The following GPR176 variants were observed in gnomAD, a reference collection of about 807,000 sequenced individuals.
The protein encoded by GPR176 is G-protein coupled receptor 176.
Under a neutral mutation model 35.4 loss-of-function variants are expected in GPR176, and 26 were observed. The observed-to-expected ratio is 0.74, with a 90% CI of 0.54 to 1.02. The LOEUF (loss-of-function observed/expected upper bound fraction) is 1.02, where lower values mean the gene tolerates loss of function less well. Ranked by LOEUF, GPR176 falls within the 50% of genes least tolerant of loss-of-function variation. The probability of loss-of-function intolerance (pLI) is 0.00; values close to 1 mark genes in which losing one functional copy is unlikely to be tolerated. For synonymous variants in GPR176, 278 were observed against 271.3 expected (o/e 1.02, Z -0.24); for missense variants, 597 against 665.3 (o/e 0.90, Z 1.13).
At chr15:39,807,554 T>A in intron 1 of GPR176, 1 of 1,521,146 alleles carries the variant, frequency 6.6e-7, no homozygotes, top group Non-Finnish European at 8.8e-7. Flanking sequence ...TATAAACAAT[T>A]TGCTAGTTAT....
intron 1 of GPR176, chr15:39,807,466 G>T: frequency 9.5e-7 from 1 of 1,049,034 alleles, no homozygotes; most frequent in South Asian, 1.9e-5. Flanking sequence ...AATAAGTCTA[G>T]AAAAAATTTT....
chr15:39,900,226 TAA>T (rs1038366139), intron 1 of GPR176, among the ~76,000 whole-genome samples: 8 of 137,154 alleles, frequency 5.8e-5, no homozygotes, highest in Admixed American at 7.3e-5. Flanking sequence ...CAAGGATGTT[TAA>T]AAAAAAAAAA....
At chr15:39,806,493 G>A (rs1232514910) in intron 2 of GPR176, among the ~76,000 whole-genome samples, 1 of 152,188 alleles carries the variant, frequency 6.6e-6, no homozygotes, top group African/African-American at 2.4e-5. Flanking sequence ...GATAGGAAGA[G>A]AAAGCAATCA....
At chr15:39,812,420 T>G (rs1401450657) in intron 1 of GPR176, among the ~76,000 whole-genome samples, 2 of 152,222 alleles carry the variant, frequency 1.3e-5, no homozygotes, top group African/African-American at 4.8e-5. Context: ...TGCTGGATGC[T>G]TCCTGCCCTT....
intron 1 of GPR176, among the ~76,000 whole-genome samples, chr15:39,849,574 C>A (rs1054849236): frequency 6.6e-6 from 1 of 152,046 alleles, no homozygotes; most frequent in Non-Finnish European, 1.5e-5. Context: ...AATTATACAC[C>A]ATTCCCAAGC....
chr15:39,835,090 TCAC>T (rs1901311253), intron 1 of GPR176, among the ~76,000 whole-genome samples: 1 of 152,166 alleles, frequency 6.6e-6, no homozygotes, highest in South Asian at 2.1e-4. Flanking sequence ...CAATCTCAGC[TCAC>T]CACAACCTCT....
chr15:39,810,006 G>T (rs947774694), intron 1 of GPR176, among the ~76,000 whole-genome samples: 8 of 152,032 alleles, frequency 5.3e-5, no homozygotes, highest in African/African-American at 1.9e-4. Flanking sequence ...TTAGCCCAGC[G>T]TGGTTGCGGG....
intron 1 of GPR176, among the ~76,000 whole-genome samples, chr15:39,863,053 GTTTTTCTTTTTTTTT>G (rs1223008230): frequency 6.6e-6 from 1 of 150,498 alleles, no homozygotes; most frequent in Non-Finnish European, 1.5e-5. Flanking sequence ...TTATGTCTTA[GTTTTTCTTTTTTTTT>G]TTTTTCTTTT....
chr15:39,874,793 C>CA lies in GPR176; in HGVS notation c.172+45061dup, dbSNP rs201577735. On this transcript the variant is annotated intron_variant, in intron 1 of 2. Transcript: ENST00000561100. ...GTGCGGTGGCTCATGTGTGTAATCC[C>CA]AGCACTTTGGGGGGCCAAGGCAGGT... Among the ~76,000 whole-genome samples the CA allele has an allele frequency of 2.8e-3, 432 of 152,142 alleles. 9 individuals carry two copies. In the East Asian group the frequency reaches 0.04, roughly 14 times the overall value.
chr15:39,876,046 G>C (rs1271177568), intron 1 of GPR176, among the ~76,000 whole-genome samples: 1 of 151,472 alleles, frequency 6.6e-6, no homozygotes, highest in Non-Finnish European at 1.5e-5. Context: ...AGCTATACAG[G>C]AGGCTGAGGT....
chr15:39,807,519 T>C, intron 1 of GPR176: 9 of 1,475,464 alleles, frequency 6.1e-6, no homozygotes, highest in Non-Finnish European at 8.1e-6. Context: ...AATAGTATTA[T>C]AACGATGGCT....
chr15:39,814,240 T>C (rs1899752655), intron 1 of GPR176, among the ~76,000 whole-genome samples: 1 of 152,248 alleles, frequency 6.6e-6, no homozygotes, highest in Non-Finnish European at 1.5e-5. Context: ...ATTAGACTTA[T>C]GTCAGACCTC....
At chr15:39,872,877 A>G (rs1419936257) in intron 1 of GPR176, among the ~76,000 whole-genome samples, 3 of 151,710 alleles carry the variant, frequency 2.0e-5, no homozygotes, top group Non-Finnish European at 2.9e-5. Flanking sequence ...ACAATTCAAC[A>G]TGAGATTTTG....
chr15:39,821,022 A>G (rs1227188289), intron 1 of GPR176, among the ~76,000 whole-genome samples: 2 of 152,206 alleles, frequency 1.3e-5, no homozygotes, highest in Non-Finnish European at 2.9e-5. Context: ...CTAAGCATCC[A>G]AGATTCATGA....
intron 1 of GPR176, chr15:39,862,452 A>T (rs1346166190): frequency 6.6e-6 from 1 of 152,188 alleles, no homozygotes; most frequent in African/African-American, 2.4e-5. Flanking sequence ...GATTCTAAGA[A>T]TCCTTTCCAA....
At chr15:39,912,334 T>G (rs2033599840) in intron 1 of GPR176, among the ~76,000 whole-genome samples, 1 of 152,074 alleles carries the variant, frequency 6.6e-6, no homozygotes, top group Non-Finnish European at 1.5e-5. Context: ...AAACTTTTCA[T>G]GGCTAGGTGA....
chr15:39,812,456 C>T (rs1481682661), intron 1 of GPR176, among the ~76,000 whole-genome samples: 1 of 152,192 alleles, frequency 6.6e-6, no homozygotes, highest in Non-Finnish European at 1.5e-5. Flanking sequence ...CGTTCTTCAG[C>T]TTTTGGACTC....
At chr15:39,813,760 T>C (rs1215826429) in intron 1 of GPR176, 1 of 152,188 alleles carries the variant, frequency 6.6e-6, no homozygotes, top group Non-Finnish European at 1.5e-5. Flanking sequence ...GGTCATGCCC[T>C]AATTCATTTT....
At chr15:39,809,912 G>A (rs1899431590) in intron 1 of GPR176, among the ~76,000 whole-genome samples, 1 of 152,174 alleles carries the variant, frequency 6.6e-6, no homozygotes, top group Non-Finnish European at 1.5e-5. Flanking sequence ...TTGGGAGGCT[G>A]AGGCGGGCGG....
Sources: gnomAD v4.1 joint callset for allele counts (sites outside exome capture counted in the v4.1 genomes callset) on GRCh38, gnomAD v4.1.1 for gene constraint, MANE v1.5 for transcripts, NCBI Gene and HGNC (gene_info 2026-07-23, HGNC 2026-07-21) for gene names.